CLP1: variants seen among roughly 807,000 people sequenced by gnomAD.
CLP1 encodes the protein cleavage factor polyribonucleotide kinase subunit 1, also known as polyribonucleotide 5'-hydroxyl-kinase Clp1.
CLP1 carries 18 observed loss-of-function variants against 29.9 expected under a neutral mutation model. The ratio of observed to expected loss-of-function variants is 0.60; its 90% confidence interval spans 0.42 to 0.89. CLP1 has a LOEUF of 0.89. CLP1 is among the 40% of genes least tolerant of loss of function. The pLI is 0.00. For synonymous variants in CLP1, 162 were observed against 206.2 expected (o/e 0.79, Z 1.84); for missense variants, 357 against 544.8 (o/e 0.66, Z 3.43).
At chr11:57,660,649 A>C in intron 2 of CLP1, 116 bp from the exon 3 acceptor site, 1 of 896,652 alleles carries the variant, frequency 1.1e-6, no homozygotes, top group South Asian at 1.8e-5. Context: ...GTGAGACTCC[A>C]TTTCAAAAAA....
chr11:57,659,571 C>G lies in CLP1; in HGVS notation c.95C>G (p.Ser32Ter), dbSNP rs1945854325. Residue 32 changes from serine to a stop codon, truncating the protein, a stop_gained, in exon 2 of 3, where the codon TCA becomes TGA. Transcript: ENST00000533682. LOFTEE classifies it high-confidence loss of function. ...ELRFEVEASQSVQLELLTGMA... is the reference protein window; with the variant it reads ...ELRFEVEASQ ...CGCTTTGAGGTGGAGGCATCTCAGT[C>G]AGTTCAGTTGGAGTTGTTGACTGGC... 1.2e-6 allele frequency: 2 copies of G among 1,614,098 alleles called. No individual in the cohort carries two copies. The highest frequency in any genetic ancestry group is 1.7e-6 in the Non-Finnish European group (2 of 1,180,016).
At position 57,659,567 on chromosome 11, in the gene CLP1, C is replaced by A; in HGVS notation, c.91C>A (p.Gln31Lys). 6.2e-7 allele frequency: 1 copy of A among 1,614,104 alleles called. No homozygotes were observed. The highest frequency in any genetic ancestry group is 1.1e-5 in the South Asian group (1 of 91,074). ...ACTTCGCTTTGAGGTGGAGGCATCT[C>A]AGTCAGTTCAGTTGGAGTTGTTGAC... The part of the protein sequence containing the change: ...TELRFEVEAS[Q>K]SVQLELLTGM... Residue 31 changes from glutamine to lysine, a missense_variant, in exon 2 of 3, where the codon CAG becomes AAG. By Grantham distance (53) the Gln-to-Lys change is moderately conservative (BLOSUM62 1). Transcript: ENST00000533682.
chr11:57,660,576 C>T (rs563936756), intron 2 of CLP1, among the ~76,000 whole-genome samples, 189 bp from the exon 3 acceptor site: 2 of 152,262 alleles, frequency 1.3e-5, no homozygotes, highest in East Asian at 1.9e-4. Flanking sequence ...ATCACTTGAA[C>T]GCGGGAGGTG....
chr11:57,661,039 G>A lies in CLP1; in HGVS notation c.881G>A (p.Arg294Gln). 1.2e-6 allele frequency: 2 copies of A among 1,614,244 alleles called. No homozygotes were observed. The highest frequency in any genetic ancestry group is 1.7e-6 in the Non-Finnish European group (2 of 1,180,040). The stretch of plus-strand genomic sequence containing the variant: ...GTGGAGCGCTCCAAGGACTTCCGGC[G>A]GGAATGTAGGGATGAGCGTATCCGT... ...GVVERSKDFR[R>Q]ECRDERIREY... is the part of the protein sequence containing the mutation. The change falls in exon 3 of 3, where the codon CGG (arginine) becomes CAG (glutamine). Residue 294 changes from arginine to glutamine, a missense_variant. By Grantham distance (43) the Arg-to-Gln change is conservative. Coordinates refer to ENST00000533682, the MANE Select transcript of CLP1 (RefSeq NM_006831.3).
rs894145313 is a variant in CLP1, at chr11:57,660,138, T to C, written c.606+56T>C. On this transcript the variant is annotated intron_variant, in intron 2 of 2. Coordinates refer to ENST00000533682, the MANE Select transcript of CLP1 (RefSeq NM_006831.3). ...AAGGGCTGCTATCAGGGTAGGAAAC[T>C]GGAGAAGTTTACTAGTTAACACTGC... The C allele has an allele frequency of 3.5e-5, 52 of 1,498,948 alleles. 1 individual carries two copies. The Middle Eastern group carries it at 1.5e-3, about 44-fold the overall frequency. The allele number at this position is 1,498,948 out of a possible 1,614,324, so 92.9% of individuals were successfully genotyped here. A position where few individuals can be genotyped will look rare whatever the true frequency, so the allele number is the denominator to read the frequency against.
chr11:57,657,789 C>A lies in CLP1; in HGVS notation c.-94C>A, dbSNP rs539087074. 1 of 152,798 alleles carries A rather than the reference C, an allele frequency of 6.5e-6. No homozygotes were observed. Among genetic ancestry groups the A allele is most frequent in the East Asian group, 1.9e-4 (1 of 5,196 alleles). The allele number at this position is 152,798 out of a possible 1,614,324, so 9.5% of individuals were successfully genotyped here. A position where few individuals can be genotyped will look rare whatever the true frequency, so the allele number is the denominator to read the frequency against. On this transcript the variant is annotated 5_prime_UTR_variant, in exon 1 of 3. Transcript: ENST00000533682. ...TTCCGGCGTGGGTCCGGGCAAGAACCGCTTGTAGTTTGGTTTAAATTCTGC... is the reference window on the plus strand; with the variant it reads ...TTCCGGCGTGGGTCCGGGCAAGAACAGCTTGTAGTTTGGTTTAAATTCTGC...
rs1349083015 is a variant in CLP1 at position 57,661,440 on chromosome 11, T to G, written c.*4T>G. The G allele has an allele frequency of 6.2e-7, 1 of 1,601,300 alleles. No homozygotes were observed. The highest frequency in any genetic ancestry group is 1.7e-5 in the Admixed American group (1 of 59,134). Reference sequence around the variant, plus strand: ...CCGGTTCATGGATCTGAAGTAGAGATCAGCAGGAAGCCTTGCTGCCTGGGA... The same window carrying G: ...CCGGTTCATGGATCTGAAGTAGAGAGCAGCAGGAAGCCTTGCTGCCTGGGA... On this transcript the variant is annotated 3_prime_UTR_variant, in exon 3 of 3. Coordinates refer to ENST00000533682, the MANE Select transcript of CLP1 (RefSeq NM_006831.3).
chr11:57,659,317 G>C (rs1228090089), intron 1 of CLP1, 138 bp from the exon 2 acceptor site: 1 of 731,154 alleles, frequency 1.4e-6, no homozygotes, highest in Non-Finnish European at 2.2e-6. Context: ...TTGAACTCCT[G>C]ACCTCAAGTG....
chr11:57,659,624 A>G lies in CLP1; in HGVS notation c.148A>G (p.Thr50Ala). ...GMAEIFGTEL[T>A]RNKKFTFDAG... ...GGCAGAGATCTTTGGCACAGAGCTG[A>G]CCCGAAACAAGAAATTCACCTTTGA... Residue 50 changes from threonine to alanine, a missense_variant, in exon 2 of 3, where the codon ACC becomes GCC. Thr to Ala is a moderately conservative substitution (Grantham distance 58). Transcript: ENST00000533682. 1 of 1,614,052 alleles carries G rather than the reference A, an allele frequency of 6.2e-7. No individual in the cohort carries two copies. The highest frequency in any genetic ancestry group is 8.5e-7 in the Non-Finnish European group (1 of 1,180,024).
In CLP1 at chr11:57,661,724, G is replaced by T; in HGVS notation, c.*288G>T. 1 of 344,370 alleles carries T rather than the reference G, an allele frequency of 2.9e-6. No individual in the cohort carries two copies. Among genetic ancestry groups the T allele is most frequent in the South Asian group, 8.1e-5 (1 of 12,346 alleles). The allele number at this position is 344,370 out of a possible 1,614,324, so 21.3% of individuals were successfully genotyped here. ...ATTTCTTTCACTGTGCTACTATGTG[G>T]TTTTTAAAAAATCAATGCTTTATAT... On this transcript the variant is annotated 3_prime_UTR_variant, in exon 3 of 3. Coordinates refer to ENST00000533682, the MANE Select transcript of CLP1 (RefSeq NM_006831.3).
chr11:57,661,719 A>G lies in CLP1; in HGVS notation c.*283A>G, dbSNP rs990075169. Reference sequence around the variant, plus strand: ...ATTGCATTTCTTTCACTGTGCTACTATGTGGTTTTTAAAAAATCAATGCTT... The same window carrying G: ...ATTGCATTTCTTTCACTGTGCTACTGTGTGGTTTTTAAAAAATCAATGCTT... On this transcript the variant is annotated 3_prime_UTR_variant, in exon 3 of 3. Transcript: ENST00000533682. 8.3e-6 allele frequency: 3 copies of G among 363,092 alleles called. No homozygotes were observed. The highest frequency in any genetic ancestry group is 4.2e-5 in the East Asian group (1 of 23,680). The allele number at this position is 363,092 out of a possible 1,614,324, so 22.5% of individuals were successfully genotyped here.
At chr11:57,660,116 G>C in intron 2 of CLP1, 34 bp downstream of exon 2, 1 of 1,523,174 alleles carries the variant, frequency 6.6e-7, no homozygotes, top group Non-Finnish European at 8.8e-7. Context: ...TGGAGGGAAG[G>C]GCTGCTATCA....
rs757438894 is a variant in CLP1 at position 57,661,129 on chromosome 11, T to C, written c.971T>C (p.Val324Ala). 9.3e-6 allele frequency: 15 copies of C among 1,614,170 alleles called. No individual in the cohort carries two copies. Among genetic ancestry groups the C allele is most frequent in the Non-Finnish European group, 1.3e-5 (15 of 1,180,034 alleles). Residue 324 changes from valine to alanine, a missense_variant, in exon 3 of 3, where the codon GTG (valine) becomes GCG (alanine). Val to Ala is a moderately conservative substitution (Grantham distance 64, BLOSUM62 0). Transcript: ENST00000533682. Reference sequence around the variant, plus strand: ...GCCTTCAATGTCAAATTTTCAGATGTGAAAATCTACAAAGTTGGGGCACCC... The same window carrying C: ...GCCTTCAATGTCAAATTTTCAGATGCGAAAATCTACAAAGTTGGGGCACCC... Reference protein sequence around the residue: ...PHAFNVKFSDVKIYKVGAPTI... With the variant: ...PHAFNVKFSDAKIYKVGAPTI...
rs2135362828 is a variant in CLP1, at chr11:57,661,382, A to G, written c.1224A>G (p.Pro408=). ...VFTVLSPAPR[P]LPKNFLLIMD... is the part of the protein sequence containing the mutation. ...CTGTTCTGTCTCCAGCCCCTCGCCC[A>G]CTGCCTAAGAACTTCCTTCTCATCA... Residue 408 remains proline (P), a synonymous_variant, in exon 3 of 3, where the codon CCA becomes CCG. Transcript: ENST00000533682. 6.2e-7 allele frequency: 1 copy of G among 1,613,982 alleles called. No homozygotes were observed. The highest frequency in any genetic ancestry group is 1.1e-5 in the South Asian group (1 of 91,050).
chr11:57,658,392 A>G (rs1453440683), intron 1 of CLP1, among the ~76,000 whole-genome samples: 1 of 152,146 alleles, frequency 6.6e-6, no homozygotes. Context: ...TTTTTCTCTG[A>G]TGTCTGAGAC....
In CLP1 at chr11:57,661,503, C is replaced by T. The variant is rs1945877079; in HGVS notation, c.*67C>T. 6.5e-6 allele frequency: 9 copies of T among 1,386,446 alleles called. No individual in the cohort carries two copies. The highest frequency in any genetic ancestry group is 8.9e-6 in the Non-Finnish European group (9 of 1,011,748). 85.9% of individuals were successfully genotyped at this position (1,386,446 alleles called of 1,614,324 possible). On this transcript the variant is annotated 3_prime_UTR_variant, in exon 3 of 3. Transcript: ENST00000533682. ...CTGGCCACCCCTAGAGGCAGATGGG[C>T]TGAGATAAAAGACTGTTGGGGCCAC...
At position 57,661,169 on chromosome 11, in the gene CLP1, C is replaced by T; in HGVS notation, c.1011C>T (p.Ser337=). 6.2e-7 allele frequency: 1 copy of T among 1,614,236 alleles called. No individual in the cohort carries two copies. The highest frequency in any genetic ancestry group is 8.5e-7 in the Non-Finnish European group (1 of 1,180,044). The change falls in exon 3 of 3, where the codon TCC becomes TCT. Residue 337 remains serine (S), a synonymous_variant. Coordinates refer to ENST00000533682, the MANE Select transcript of CLP1 (RefSeq NM_006831.3). ...YKVGAPTIPD[S]CLPLGMSQED... Reference sequence around the variant, plus strand: ...TTGGGGCACCCACCATCCCAGACTCCTGTTTACCTTTGGGCATGTCTCAAG... The same window carrying T: ...TTGGGGCACCCACCATCCCAGACTCTTGTTTACCTTTGGGCATGTCTCAAG...
At position 57,661,084 on chromosome 11, in the gene CLP1, G is replaced by A. The variant is rs1945872867; in HGVS notation, c.926G>A (p.Arg309Gln). 5.6e-6 allele frequency: 9 copies of A among 1,614,172 alleles called. No homozygotes were observed. The highest frequency in any genetic ancestry group is 7.6e-6 in the Non-Finnish European group (9 of 1,180,042). The part of the protein sequence containing the change: ...ERIREYFYGF[R>Q]GCFYPHAFNV... ...ATCCGTGAGTATTTTTATGGATTCCGAGGCTGTTTCTATCCCCATGCCTTC... is the reference window on the plus strand; with the variant it reads ...ATCCGTGAGTATTTTTATGGATTCCAAGGCTGTTTCTATCCCCATGCCTTC... Residue 309 changes from arginine (R) to glutamine (Q), a missense_variant, in exon 3 of 3, where the codon CGA becomes CAA. Transcript: ENST00000533682.
At chr11:57,660,608 C>T (rs1397679828) in intron 2 of CLP1, among the ~76,000 whole-genome samples, 157 bp from the exon 3 acceptor site, 11 of 152,094 alleles carry the variant, frequency 7.2e-5, no homozygotes, top group African/African-American at 2.4e-4. Context: ...GAGCTGAGAT[C>T]GTGCCACTGC....
Sources: gnomAD v4.1 joint callset for allele counts (sites outside exome capture counted in the v4.1 genomes callset) on GRCh38, gnomAD v4.1.1 for gene constraint, MANE v1.5 for transcripts, NCBI Gene and HGNC (gene_info 2026-07-23, HGNC 2026-07-21) for gene names.